The following ZBTB20 variants were observed in gnomAD, a reference collection of about 807,000 sequenced individuals.
The protein encoded by ZBTB20 is zinc finger and BTB domain-containing protein 20.
ZBTB20 carries 9 observed loss-of-function variants against 56.9 expected under a neutral mutation model. The observed-to-expected ratio is 0.16, with a 90% confidence interval of 0.10 to 0.28. The LOEUF (loss-of-function observed/expected upper bound fraction) is 0.28, where lower values mean the gene tolerates loss of function less well. Among genes scored for constraint, ZBTB20 ranks in the 10% least tolerant of loss-of-function variants. The probability of loss-of-function intolerance (pLI) is 1.00; values close to 1 mark genes in which losing one functional copy is unlikely to be tolerated. For missense variants in ZBTB20, 655 were observed against 1,003.0 expected (o/e 0.65, Z 4.69); for synonymous variants, 417 against 420.7 (o/e 0.99, Z 0.11).
At chr3:114,562,354 G>A (rs1231972922) in intron 6 of ZBTB20, among the ~76,000 whole-genome samples, 8 of 151,944 alleles carry the variant, frequency 5.3e-5, no homozygotes, top group Admixed American at 6.6e-5. Flanking sequence ...TAGTAGAGAC[G>A]GGGTTTCACC....
intron 5 of ZBTB20, among the ~76,000 whole-genome samples, chr3:114,777,100 A>C (rs1393475211): frequency 6.6e-6 from 1 of 152,204 alleles, no homozygotes; most frequent in Non-Finnish European, 1.5e-5. Flanking sequence ...TATTATAAAA[A>C]TAAAGATCCT....
intron 6 of ZBTB20, among the ~76,000 whole-genome samples, chr3:114,686,731 T>C (rs2108285114): frequency 6.6e-6 from 1 of 152,248 alleles, no homozygotes; most frequent in African/African-American, 2.4e-5. Context: ...TTCTCTTTAT[T>C]CCCCCTGAAG....
intron 4 of ZBTB20, among the ~76,000 whole-genome samples, chr3:114,814,515 G>A (rs1009583867): frequency 6.6e-6 from 1 of 151,992 alleles, no homozygotes; most frequent in African/African-American, 2.4e-5. Context: ...GGTGACTTTA[G>A]TTTTCTTCTA....
intron 10 of ZBTB20, among the ~76,000 whole-genome samples, chr3:114,368,649 T>G (rs992030220): frequency 6.6e-6 from 1 of 152,182 alleles, no homozygotes; most frequent in Non-Finnish European, 1.5e-5. Context: ...AATATGAACC[T>G]CTAAAAGAAA....
chr3:115,004,098 TCTG>T (rs1418755187), intron 2 of ZBTB20, among the ~76,000 whole-genome samples: 4 of 151,700 alleles, frequency 2.6e-5, no homozygotes, highest in Non-Finnish European at 5.9e-5. Context: ...ACTTGAGATC[TCTG>T]CAGAATTTGG....
chr3:115,122,163 G>A (rs2084200185), intron 1 of ZBTB20, among the ~76,000 whole-genome samples: 2 of 152,008 alleles, frequency 1.3e-5, no homozygotes, highest in African/African-American at 4.8e-5. Context: ...ATAATGTTAT[G>A]CTGAACCGTC....
At chr3:115,124,694 C>G (rs1218598299) in intron 1 of ZBTB20, among the ~76,000 whole-genome samples, 3 of 152,142 alleles carry the variant, frequency 2.0e-5, no homozygotes, top group African/African-American at 7.2e-5. Context: ...CTTGCAGATA[C>G]AGACCCCTGA....
chr3:114,694,913 T>C (rs572764182), intron 5 of ZBTB20, among the ~76,000 whole-genome samples: 1 of 152,224 alleles, frequency 6.6e-6, no homozygotes, highest in South Asian at 2.1e-4. Flanking sequence ...GGTCCACTAC[T>C]ACAGTCTGAA....
intron 4 of ZBTB20, among the ~76,000 whole-genome samples, chr3:114,847,525 C>T (rs1302215406): frequency 6.6e-6 from 1 of 152,118 alleles, no homozygotes; most frequent in Non-Finnish European, 1.5e-5. Context: ...TATGAAATTC[C>T]TTTGGCCAAA....
At chr3:114,674,372 T>C (rs1055032653) in intron 6 of ZBTB20, among the ~76,000 whole-genome samples, 2 of 152,230 alleles carry the variant, frequency 1.3e-5, no homozygotes, top group Non-Finnish European at 2.9e-5. Flanking sequence ...TAATTCTAGT[T>C]GTTTTATAGC....
chr3:114,874,968 C>G (rs2076138709), intron 4 of ZBTB20, among the ~76,000 whole-genome samples: 1 of 152,164 alleles, frequency 6.6e-6, no homozygotes, highest in African/African-American at 2.4e-5. Flanking sequence ...TATGTGTAAG[C>G]AATGTCCTGC....
In ZBTB20 at chr3:114,915,305, T is replaced by C. The variant is rs917143202; in HGVS notation, c.-455-14963A>G. Reference sequence around the variant, plus strand: ...CATGGTTCAATCCTGGTAGGTTGTATATGTCTAGGAATTTACTCATTTCTT... The same window carrying C: ...CATGGTTCAATCCTGGTAGGTTGTACATGTCTAGGAATTTACTCATTTCTT... On this transcript the variant is annotated intron_variant, in intron 3 of 11. Transcript: ENST00000675478. 2.6e-5 allele frequency among the ~76,000 whole-genome samples: 4 copies of C among 152,122 alleles called. No homozygotes were observed. In the East Asian group the frequency reaches 5.8e-4, roughly 22 times the overall value.
At chr3:114,629,223 T>C (rs1263313691) in intron 6 of ZBTB20, among the ~76,000 whole-genome samples, 1 of 152,132 alleles carries the variant, frequency 6.6e-6, no homozygotes, top group Non-Finnish European at 1.5e-5. Flanking sequence ...CTTTTCCCAT[T>C]TGTAAAATAG....
At chr3:114,532,578 G>A (rs751711086) in intron 6 of ZBTB20, among the ~76,000 whole-genome samples, 2 of 152,204 alleles carry the variant, frequency 1.3e-5, no homozygotes, top group Admixed American at 6.5e-5. Context: ...AGACTTAAAC[G>A]TTCCCACCTG....
At chr3:114,815,080 A>G (rs2108894100) in intron 4 of ZBTB20, among the ~76,000 whole-genome samples, 1 of 152,296 alleles carries the variant, frequency 6.6e-6, no homozygotes, top group Admixed American at 6.5e-5. Context: ...GACTAACCTC[A>G]TGAGCTTAGG....
intron 2 of ZBTB20, among the ~76,000 whole-genome samples, chr3:115,033,162 A>G (rs1472821129): frequency 6.6e-6 from 1 of 151,374 alleles, no homozygotes; most frequent in East Asian, 1.9e-4. Context: ...TACAAAAATC[A>G]GAAGTGAGAG....
chr3:114,732,635 A>AT (rs1475146724), intron 5 of ZBTB20, among the ~76,000 whole-genome samples: 1 of 152,066 alleles, frequency 6.6e-6, no homozygotes, highest in Non-Finnish European at 1.5e-5. Flanking sequence ...ACAGCTTTGT[A>AT]TTTTTCAGTC....
At chr3:114,917,667 T>G (rs942081343) in intron 3 of ZBTB20, among the ~76,000 whole-genome samples, 2 of 152,202 alleles carry the variant, frequency 1.3e-5, no homozygotes, top group African/African-American at 4.8e-5. Context: ...TCTGGAAGAA[T>G]TCTCTGGATT....
intron 5 of ZBTB20, among the ~76,000 whole-genome samples, chr3:114,721,715 C>A (rs1243364991): frequency 6.6e-6 from 1 of 152,086 alleles, no homozygotes; most frequent in Non-Finnish European, 1.5e-5. Flanking sequence ...ACTGTTTTTC[C>A]TAGGTACAAG....
Sources: gnomAD v4.1 joint callset for allele counts (sites outside exome capture counted in the v4.1 genomes callset) on GRCh38, gnomAD v4.1.1 for gene constraint, MANE v1.5 for transcripts, NCBI Gene and HGNC (gene_info 2026-07-23, HGNC 2026-07-21) for gene names.